The following EYA3 variants were observed in gnomAD, a reference collection of about 807,000 sequenced individuals.
The protein encoded by EYA3 is protein phosphatase EYA3.
A neutral mutation model predicts 80.0 loss-of-function variants in EYA3; 39 were observed. The observed-to-expected ratio is 0.49, with a 90% CI of 0.38 to 0.64. The LOEUF is 0.64. EYA3 is among the 30% of genes least tolerant of loss of function. The pLI is 0.00. For synonymous variants in EYA3, 206 were observed against 232.8 expected, an observed-to-expected ratio of 0.88 and a Z score of 1.05; for missense variants, 523 against 676.1, an observed-to-expected ratio of 0.77 and a Z score of 2.51.
chr1:28,018,172 G>C (rs1642196056), intron 7 of EYA3, among the ~76,000 whole-genome samples: 1 of 151,396 alleles, frequency 6.6e-6, no homozygotes, highest in South Asian at 2.1e-4. Context: ...CTACAGCCTG[G>C]GTGACAGAGC....
intron 1 of EYA3, among the ~76,000 whole-genome samples, chr1:28,067,080 C>T (rs562402082): frequency 1.3e-5 from 2 of 152,268 alleles, no homozygotes; most frequent in South Asian, 4.1e-4. Flanking sequence ...TCAGGCACAG[C>T]TGTAAAATCA....
intron 1 of EYA3, among the ~76,000 whole-genome samples, chr1:28,075,426 TGAGCTTCAAGTCAGG>T (rs1482681808): frequency 1.3e-5 from 2 of 152,212 alleles, no homozygotes; most frequent in East Asian, 3.8e-4. Flanking sequence ...TTGTACTAAG[TGAGCTTCAAGTCAGG>T]TCAAATACAG....
rs1263254270 is a variant in EYA3, at chr1:27,971,867, A to G, written c.*2599T>C. 2 of 152,180 alleles carry G rather than the reference A, an allele frequency of 1.3e-5. No individual in the cohort carries two copies. Among genetic ancestry groups the G allele is most frequent in the Non-Finnish European group, 2.9e-5 (2 of 68,054 alleles). The allele number at this position is 152,180 out of a possible 1,614,324, so 9.4% of individuals were successfully genotyped here. A position where few individuals can be genotyped will look rare whatever the true frequency, so the allele number is the denominator to read the frequency against. Reference sequence around the variant, plus strand: ...CCCTGGACAATTCATTTTGGCAAACAGCCAAGAAGCTCCTGTTTTCTCTCT... The same window carrying G: ...CCCTGGACAATTCATTTTGGCAAACGGCCAAGAAGCTCCTGTTTTCTCTCT... On this transcript the variant is annotated 3_prime_UTR_variant, in exon 18 of 18. Transcript: ENST00000373871.
In EYA3 at chr1:27,992,542, T is replaced by C. The variant is rs115558669; in HGVS notation, c.1303+858A>G. ...CTGGTATCAGTCTGAGGCCCGGGAA[T>C]TGGGGACCCCTGCTCTAGGCAGGCT... On this transcript the variant is annotated intron_variant, in intron 14 of 17. Transcript: ENST00000373871. Among the ~76,000 whole-genome samples, 466 of 152,316 alleles carry C rather than the reference T, an allele frequency of 3.1e-3. 2 individuals are homozygous for C. The highest frequency in any genetic ancestry group is 0.01 in the African/African-American group (429 of 41,576).
intron 2 of EYA3, among the ~76,000 whole-genome samples, chr1:28,053,400 A>C (rs956319203): frequency 6.6e-6 from 1 of 152,216 alleles, no homozygotes; most frequent in Non-Finnish European, 1.5e-5. Flanking sequence ...TGACAAATTC[A>C]TAAATCAGCA....
intron 7 of EYA3, among the ~76,000 whole-genome samples, chr1:28,018,271 G>C (rs1453770277): frequency 6.6e-6 from 1 of 151,980 alleles, no homozygotes; most frequent in Non-Finnish European, 1.5e-5. Context: ...TAAAAATAAA[G>C]ACAAGTAATT....
chr1:28,014,417 CAAAAAAAAAAAAAAA>C (rs1173842687), intron 8 of EYA3, among the ~76,000 whole-genome samples: 1 of 49,540 alleles, frequency 2.0e-5, no homozygotes, highest in African/African-American at 7.5e-5. Flanking sequence ...CACACTGTCT[CAAAAAAAAAAAAAAA>C]AAAAAAAAAA....
chr1:28,002,388 G>A (rs1453899578), intron 11 of EYA3, among the ~76,000 whole-genome samples: 1 of 151,160 alleles, frequency 6.6e-6, no homozygotes, highest in Non-Finnish European at 1.5e-5. Flanking sequence ...GATTACAGAT[G>A]AGAGCCACCA....
intron 16 of EYA3, among the ~76,000 whole-genome samples, chr1:27,983,012 A>C (rs1639416226): frequency 6.6e-6 from 1 of 152,206 alleles, no homozygotes; most frequent in South Asian, 2.1e-4. Context: ...ATGATAAGCA[A>C]GTGTGCATCA....
intron 1 of EYA3, among the ~76,000 whole-genome samples, chr1:28,062,657 GGT>G (rs71027260): frequency 0.017 from 2,447 of 141,364 alleles, 59 homozygotes; most frequent in East Asian, 0.13. Context: ...AATATATGTA[GGT>G]GTGTGTGTGT....
intron 1 of EYA3, among the ~76,000 whole-genome samples, chr1:28,086,143 C>T (rs961535476): frequency 2.0e-5 from 3 of 152,058 alleles, no homozygotes; most frequent in Non-Finnish European, 2.9e-5. Flanking sequence ...AATTAACACT[C>T]GCTACTCTTG....
intron 16 of EYA3, among the ~76,000 whole-genome samples, chr1:27,984,059 C>G (rs547779859): frequency 6.6e-6 from 1 of 152,216 alleles, no homozygotes; most frequent in African/African-American, 2.4e-5. Context: ...GACAAGGTCT[C>G]CTTCTGTTGC....
intron 7 of EYA3, among the ~76,000 whole-genome samples, chr1:28,017,973 T>TCATTTGAGGCCAGGAGTTTGAGA (rs1642184385): frequency 1.3e-5 from 2 of 152,092 alleles, no homozygotes; most frequent in Non-Finnish European, 2.9e-5. Flanking sequence ...GGCAGGCAGA[T>TCATTTGAGGCCAGGAGTTTGAGA]CATTTGAGGC....
chr1:28,051,837 T>TC (rs1355082355), intron 2 of EYA3, among the ~76,000 whole-genome samples: 1 of 151,842 alleles, frequency 6.6e-6, no homozygotes, highest in Non-Finnish European at 1.5e-5. Context: ...ATGGTAATAC[T>TC]CCCCAAATTG....
chr1:28,041,171 C>A (rs1643756124), intron 4 of EYA3, among the ~76,000 whole-genome samples: 1 of 151,750 alleles, frequency 6.6e-6, no homozygotes, highest in Non-Finnish European at 1.5e-5. Flanking sequence ...CGAGACCAGC[C>A]TGGCCAACAT....
rs1336628179 is a variant in EYA3 at position 27,986,986 on chromosome 1, G to A, written c.1540+1549C>T. Reference sequence around the variant, plus strand: ...CAAAGTGCTGGGATTACAGGTGTGAGCCACTGTACCCGGCCTCTTAACAAT... The same window carrying A: ...CAAAGTGCTGGGATTACAGGTGTGAACCACTGTACCCGGCCTCTTAACAAT... On this transcript the variant is annotated intron_variant, in intron 16 of 17. Coordinates refer to ENST00000373871, the MANE Select transcript of EYA3 (RefSeq NM_001990.4). Among the ~76,000 whole-genome samples, 4 of 152,320 alleles carry A rather than the reference G, an allele frequency of 2.6e-5. No homozygotes were observed. In the East Asian group the frequency reaches 7.7e-4, roughly 29 times the overall value.
At chr1:27,987,688 T>TTTTA (rs754630943) in intron 16 of EYA3, among the ~76,000 whole-genome samples, 7 of 152,138 alleles carry the variant, frequency 4.6e-5, no homozygotes, top group Non-Finnish European at 8.8e-5. Context: ...TGTCAATACC[T>TTTTA]TTTATTTATT....
chr1:27,975,487 A>T lies in EYA3; in HGVS notation c.1642-941T>A, dbSNP rs1041012777. On this transcript the variant is annotated intron_variant, in intron 17 of 17. Transcript: ENST00000373871. ...ATGAGCCACTGTGCCTGGAGGCCAT[A>T]TTTTTTTTTTTTTTTTGAGACAGAG... Among the ~76,000 whole-genome samples the T allele has an allele frequency of 7.9e-4, 105 of 133,662 alleles. 1 individual carries two copies. The highest frequency in any genetic ancestry group is 2.4e-3 in the South Asian group (10 of 4,218). 87.7% of individuals were successfully genotyped at this position (133,662 alleles called of 152,430 possible). A position where few individuals can be genotyped will look rare whatever the true frequency, so the allele number is the denominator to read the frequency against.
At chr1:27,990,030 G>A in intron 14 of EYA3, 1 of 227,930 alleles carries the variant, frequency 4.4e-6, no homozygotes, top group South Asian at 7.4e-5. Context: ...GCTGTATATA[G>A]GGGTGGGGTC....
Sources: gnomAD v4.1 joint callset for allele counts (sites outside exome capture counted in the v4.1 genomes callset) on GRCh38, gnomAD v4.1.1 for gene constraint, MANE v1.5 for transcripts, NCBI Gene and HGNC (gene_info 2026-07-23, HGNC 2026-07-21) for gene names.